The following ANK1 variants were observed in gnomAD, a reference collection of about 807,000 sequenced individuals.
ANK1 encodes ankyrin 1.
A neutral mutation model predicts 210.4 loss-of-function variants in ANK1; 51 were observed. The observed-to-expected ratio is 0.24, with a 90% CI of 0.19 to 0.31. ANK1 has a LOEUF of 0.31. Among genes scored for constraint, ANK1 ranks in the 10% least tolerant of loss-of-function variants. The pLI is 1.00. For synonymous variants in ANK1, 967 were observed against 1,025.9 expected (o/e 0.94, Z 1.10); for missense variants, 2,051 against 2,504.4 (o/e 0.82, Z 3.86).
rs952068871 is a variant in ANK1, at chr8:41,835,321, G to A, written c.126+61034C>T. On this transcript the variant is annotated intron_variant, in intron 1 of 42. Coordinates refer to the ANK1 transcript ENST00000265709. ...ACAAAAATTAGCCAGGCGTGGTGGC[G>A]GGTGCCTGTAATTCCAGCTCCTCCA... Among the ~76,000 whole-genome samples, 50 of 152,124 alleles carry A rather than the reference G, an allele frequency of 3.3e-4. 1 individual carries two copies. Among genetic ancestry groups the A allele is most frequent in the Admixed American group, 2.3e-3 (35 of 15,272 alleles).
intron 35 of ANK1, among the ~76,000 whole-genome samples, chr8:41,686,993 G>A (rs566956947): frequency 1.3e-5 from 2 of 152,032 alleles, no homozygotes; most frequent in Admixed American, 6.6e-5. Context: ...ACACATACAC[G>A]TGCATACACA....
intron 26 of ANK1, among the ~76,000 whole-genome samples, chr8:41,695,538 G>T (rs1041380980): frequency 6.6e-6 from 1 of 152,230 alleles, no homozygotes; most frequent in Non-Finnish European, 1.5e-5. Context: ...TCCCCGCCAG[G>T]CCTGCAGTGA....
intron 37 of ANK1, among the ~76,000 whole-genome samples, chr8:41,674,915 A>G: frequency 6.6e-6 from 1 of 152,230 alleles, no homozygotes; most frequent in East Asian, 1.9e-4. Flanking sequence ...CTGAACTCCA[A>G]GTCACTGTAC....
chr8:41,864,522 A>C (rs1251401708), intron 1 of ANK1, among the ~76,000 whole-genome samples: 1 of 152,114 alleles, frequency 6.6e-6, no homozygotes, highest in Non-Finnish European at 1.5e-5. Flanking sequence ...CTTGCACATG[A>C]GATCCCCTCA....
chr8:41,749,856 C>T (rs1444069188), intron 2 of ANK1, among the ~76,000 whole-genome samples: 1 of 152,210 alleles, frequency 6.6e-6, no homozygotes, highest in Non-Finnish European at 1.5e-5. Context: ...AGGTGATCTG[C>T]CCGCCTCGGC....
intron 1 of ANK1, among the ~76,000 whole-genome samples, chr8:41,843,375 T>C (rs1447932494): frequency 6.6e-6 from 1 of 152,088 alleles, no homozygotes; most frequent in Non-Finnish European, 1.5e-5. Flanking sequence ...CTTGTACCCT[T>C]TCACCCACTT....
chr8:41,664,452 C>T (rs906314561), intron 39 of ANK1, among the ~76,000 whole-genome samples: 1 of 152,080 alleles, frequency 6.6e-6, no homozygotes, highest in African/African-American at 2.4e-5. Context: ...CACTGCACTC[C>T]AGCCTGGACT....
intron 3 of ANK1, 69 bp downstream of exon 3, chr8:41,733,902 G>C (rs542804661): frequency 7.8e-7 from 1 of 1,274,068 alleles, no homozygotes; most frequent in African/African-American, 1.5e-5. Context: ...ATGAAGGACT[G>C]GTTTCTAAGG....
Position 41,715,750 on chromosome 8 carries a change from C to G in ANK1, c.1504G>C (p.Ala502Pro). 6.2e-7 allele frequency: 1 copy of G among 1,613,996 alleles called. No homozygotes were observed. The highest frequency in any genetic ancestry group is 8.5e-7 in the Non-Finnish European group (1 of 1,179,988). ...NNANPNLATT[A>P]GHTPLHIAAR... ...GCAATGTGCAGGGGGGTGTGCCCGG[C>G]GGTGGTGGCCAGGTTGGGGTTGGCG... Residue 502 changes from alanine (A) to proline (P), a missense_variant, in exon 14 of 43, where the codon GCC (alanine) becomes CCC (proline). This residue lies in a region of ANK1 where 1,413 missense variants were observed against 1,707.4 expected (regional missense o/e 0.83). Coordinates refer to ENST00000289734, the MANE Select transcript of ANK1 (RefSeq NM_000037.4).
intron 8 of ANK1, 91 bp from the exon 9 acceptor site, chr8:41,723,314 C>G: frequency 7.2e-7 from 1 of 1,391,346 alleles, no homozygotes; most frequent in East Asian, 2.3e-5. Flanking sequence ...CATCCCAGCC[C>G]ACGCAAGTGC....
chr8:41,717,126 G>A (rs150804736), intron 12 of ANK1, 75 bp from the exon 13 acceptor site: 4 of 1,524,278 alleles, frequency 2.6e-6, no homozygotes, highest in African/African-American at 1.4e-5. Flanking sequence ...GCTAGGAAGT[G>A]CAGTCTGGAG....
intron 24 of ANK1, chr8:41,697,823 G>C (rs1481503979): frequency 9.5e-6 from 6 of 633,326 alleles, no homozygotes; most frequent in Non-Finnish European, 1.7e-5. Context: ...GCCACCACAG[G>C]AAAGGGCCCC....
chr8:41,805,590 T>G (rs920381223), intron 1 of ANK1, among the ~76,000 whole-genome samples: 5 of 152,214 alleles, frequency 3.3e-5, no homozygotes, highest in Non-Finnish European at 7.3e-5. Flanking sequence ...TAGCAATATT[T>G]ACTATATCAG....
chr8:41,798,423 G>C (rs988906722), upstream of ANK1, among the ~76,000 whole-genome samples: 7 of 152,216 alleles, frequency 4.6e-5, no homozygotes, highest in African/African-American at 1.7e-4. Context: ...GGGATGGCGC[G>C]GGCAGGGGGG....
chr8:41,892,732 C>T lies in ANK1; in HGVS notation c.126+3623G>A, dbSNP rs192059669. On this transcript the variant is annotated intron_variant, in intron 1 of 42. Coordinates refer to the ANK1 transcript ENST00000265709. ...GTCAGTCAAAGGGTGTATCATTCACCGGAACACATGCCTGCAACCAAGACA... is the reference window on the plus strand; with the variant it reads ...GTCAGTCAAAGGGTGTATCATTCACTGGAACACATGCCTGCAACCAAGACA... Among the ~76,000 whole-genome samples the T allele has an allele frequency of 7.1e-4, 108 of 152,244 alleles. 1 individual carries two copies. Among genetic ancestry groups the T allele is most frequent in the African/African-American group, 1.9e-3 (79 of 41,524 alleles).
chr8:41,830,709 GCTC>G (rs1223301449), intron 1 of ANK1, among the ~76,000 whole-genome samples: 2 of 152,136 alleles, frequency 1.3e-5, no homozygotes, highest in Non-Finnish European at 2.9e-5. Flanking sequence ...AAAGCAAACA[GCTC>G]CTACCTACCC....
chr8:41,797,530 A>C lies in ANK1; in HGVS notation c.9T>G (p.Tyr3Ter). 6.2e-7 allele frequency: 1 copy of C among 1,613,290 alleles called. No homozygotes were observed. Among genetic ancestry groups the C allele is most frequent in the Non-Finnish European group, 8.5e-7 (1 of 1,179,542 alleles). ...TACTCACTTCGCGGAAGCCCACAGAATAGGGCATGCCGGTCTTTCAGCAGG... is the reference window on the plus strand; with the variant it reads ...TACTCACTTCGCGGAAGCCCACAGACTAGGGCATGCCGGTCTTTCAGCAGG... MP[Y>*]SVGFREADAA... is the part of the protein sequence containing the mutation. The change falls in exon 1 of 43, where the codon TAT becomes TAG. Residue 3 changes from tyrosine (Y) to a stop codon, truncating the protein, a stop_gained. Coordinates refer to ENST00000289734, the MANE Select transcript of ANK1 (RefSeq NM_000037.4). LOFTEE classifies it high-confidence loss of function. The surrounding 1 kb of genome is among the most constrained non-coding windows in gnomAD (Gnocchi z 4.0).
Position 41,694,343 on chromosome 8 carries a change from C to A in ANK1, c.3328-241G>T, listed in dbSNP as rs1057205028. ...CCACAGTCAACTCCCGGAGGTCATG[C>A]GGTTCCTGCATGCTGCACAGACTGG... On this transcript the variant is annotated intron_variant, in intron 28 of 42. Coordinates refer to ENST00000289734, the MANE Select transcript of ANK1 (RefSeq NM_000037.4). The surrounding 1 kb of genome is among the most constrained non-coding windows in gnomAD (Gnocchi z 5.7). Among the ~76,000 whole-genome samples, 2 of 152,224 alleles carry A rather than the reference C, an allele frequency of 1.3e-5. No homozygotes were observed. The highest frequency in any genetic ancestry group is 2.9e-5 in the Non-Finnish European group (2 of 68,030).
In ANK1 at chr8:41,795,250, C is replaced by A. The variant is rs555656210; in HGVS notation, c.27+2262G>T. Among the ~76,000 whole-genome samples, 330 of 152,254 alleles carry A rather than the reference C, an allele frequency of 2.2e-3. 1 individual carries two copies. Among genetic ancestry groups the A allele is most frequent in the South Asian group, 9.1e-3 (44 of 4,820 alleles). ...ATTATAGGCCAGGCGCAGCGGCTCA[C>A]GCCTGTAATGCCGGCACTTTGGGAG... On this transcript the variant is annotated intron_variant, in intron 1 of 42. Transcript: ENST00000289734.
Sources: gnomAD v4.1 joint callset for allele counts (sites outside exome capture counted in the v4.1 genomes callset) on GRCh38, gnomAD v4.1.1 for gene constraint, gnomAD v4.1.1 regional missense constraint, Gnocchi (gnomAD v3.1) non-coding constraint, MANE v1.5 for transcripts, NCBI Gene and HGNC (gene_info 2026-07-23, HGNC 2026-07-21) for gene names.